The following ADCY8 variants were observed in gnomAD, a reference collection of about 807,000 sequenced individuals.
ADCY8 encodes the protein adenylate cyclase type 8.
ADCY8 carries 51 observed loss-of-function variants against 119.7 expected under a neutral mutation model. The ratio of observed to expected loss-of-function variants is 0.43; its 90% CI spans 0.34 to 0.54. The LOEUF (loss-of-function observed/expected upper bound fraction) is 0.54. ADCY8 is among the 20% of genes least tolerant of loss of function. ADCY8 has a pLI of 0.03. For missense variants in ADCY8, 1,383 were observed against 1,598.8 expected (o/e 0.87, Z 2.30); for synonymous variants, 665 against 651.0 (o/e 1.02, Z -0.33).
intron 11 of ADCY8, among the ~76,000 whole-genome samples, chr8:130,846,710 G>A (rs534966205): frequency 7.1e-4 from 69 of 97,632 alleles, no homozygotes; most frequent in African/African-American, 2.3e-3. Context: ...ACTACCTTCC[G>A]TCCTTCCTTC....
At chr8:130,813,786 C>T (rs780314334) in intron 14 of ADCY8, among the ~76,000 whole-genome samples, 2 of 152,042 alleles carry the variant, frequency 1.3e-5, no homozygotes, top group Non-Finnish European at 2.9e-5. Context: ...TACGTACATA[C>T]ACATACATAT....
intron 3 of ADCY8, among the ~76,000 whole-genome samples, chr8:130,944,124 G>A (rs1345229377): frequency 6.6e-6 from 1 of 152,154 alleles, no homozygotes; most frequent in Non-Finnish European, 1.5e-5. Context: ...TACTCTCTTG[G>A]TTAAGCCATC....
chr8:130,984,105 G>T (rs150066188), intron 2 of ADCY8, among the ~76,000 whole-genome samples: 1 of 148,688 alleles, frequency 6.7e-6, no homozygotes, highest in South Asian at 2.1e-4. Context: ...GCATGGGTGG[G>T]CTCCCTGTGA....
In ADCY8 at chr8:130,954,145, GT is replaced by G. The variant is rs1821355005; in HGVS notation, c.1111-2148del. Among the ~76,000 whole-genome samples, 4 of 152,334 alleles carry G rather than the reference GT, an allele frequency of 2.6e-5. No individual in the cohort carries two copies. In the South Asian group the frequency reaches 8.3e-4, roughly 32 times the overall value. ...CACTCCAGGACCCCACGGTCAGTTT[GT>G]AAAAGTGTTTGATTGCAAATCATCC... On this transcript the variant is annotated intron_variant, in intron 2 of 17. Coordinates refer to ENST00000286355, the MANE Select transcript of ADCY8 (RefSeq NM_001115.3).
chr8:131,034,942 T>C (rs887439408), intron 1 of ADCY8, among the ~76,000 whole-genome samples: 3 of 152,190 alleles, frequency 2.0e-5, no homozygotes, highest in Non-Finnish European at 4.4e-5. Context: ...CTCATATTAT[T>C]GTCACCAGCA....
intron 3 of ADCY8, among the ~76,000 whole-genome samples, chr8:130,946,533 C>T (rs1821110362): frequency 6.6e-6 from 1 of 152,206 alleles, no homozygotes; most frequent in African/African-American, 2.4e-5. Context: ...CTTCCCCAAG[C>T]ATAGCCAGTT....
At chr8:130,876,341 A>G (rs1475157994) in intron 8 of ADCY8, among the ~76,000 whole-genome samples, 1 of 151,292 alleles carries the variant, frequency 6.6e-6, no homozygotes, top group Non-Finnish European at 1.5e-5. Flanking sequence ...ATAAGTGACC[A>G]CTCCCGGCCG....
chr8:130,780,336 A>T lies in ADCY8; in HGVS notation c.*54T>A, dbSNP rs1815031158. On this transcript the variant is annotated 3_prime_UTR_variant, in exon 18 of 18. Coordinates refer to ENST00000286355, the MANE Select transcript of ADCY8 (RefSeq NM_001115.3). ...AAAAATTAAACCTTTTTATTAGTAT[A>T]TTTATTTTATATATAAAAGAAATAC... The T allele has an allele frequency of 1.6e-6, 2 of 1,216,314 alleles. No homozygotes were observed. The highest frequency in any genetic ancestry group is 4.1e-5 in the Admixed American group (1 of 24,466). 75.3% of individuals were successfully genotyped at this position (1,216,314 alleles called of 1,614,324 possible). A position where few individuals can be genotyped will look rare whatever the true frequency, so the allele number is the denominator to read the frequency against.
At chr8:130,890,409 T>G (rs1190096824) in intron 7 of ADCY8, among the ~76,000 whole-genome samples, 1 of 152,166 alleles carries the variant, frequency 6.6e-6, no homozygotes, top group Non-Finnish European at 1.5e-5. Context: ...GTGTTTCTGG[T>G]CTTTCACTGC....
intron 6 of ADCY8, among the ~76,000 whole-genome samples, chr8:130,908,797 A>G (rs925307439): frequency 3.3e-5 from 5 of 152,176 alleles, no homozygotes; most frequent in African/African-American, 1.2e-4. Context: ...TGCTGAAGAT[A>G]ATAGAGTTTA....
chr8:131,032,809 A>T (rs953654936), intron 1 of ADCY8, among the ~76,000 whole-genome samples: 1 of 152,190 alleles, frequency 6.6e-6, no homozygotes, highest in African/African-American at 2.4e-5. Flanking sequence ...GGGGAAGTGC[A>T]GGGAAGATTA....
Position 130,780,564 on chromosome 8 carries a change from C to T in ADCY8, c.3582G>A (p.Ala1194=), listed in dbSNP as rs139593989. 2,244 of 1,614,130 alleles carry T rather than the reference C, an allele frequency of 1.4e-3. 27 individuals are homozygous for T. In the African/African-American group the frequency reaches 0.026, roughly 19 times the overall value. The change falls in exon 18 of 18, where the codon GCG becomes GCA. Residue 1194 remains alanine, a synonymous_variant. Coordinates refer to ENST00000286355, the MANE Select transcript of ADCY8 (RefSeq NM_001115.3). ...RRLPGQYSLA[A]VVLGLVQSLN... is the part of the protein sequence containing the mutation. ...GGGACTGGACAAGTCCCAGGACAAC[C>T]GCGGCCAGGGAGTACTGCCCAGGCA...
Position 130,837,360 on chromosome 8 carries a change from C to T in ADCY8, c.2503-911G>A, listed in dbSNP as rs180760409. On this transcript the variant is annotated intron_variant, in intron 11 of 17. Transcript: ENST00000286355. ...TCCCAAGTCCCAGGGCCCTGTTGCT[C>T]GACTCTCATCCATATGCCTAGGGCT... Among the ~76,000 whole-genome samples the T allele has an allele frequency of 1.5e-3, 228 of 152,240 alleles. 6 individuals are homozygous for T. Among genetic ancestry groups the T allele is most frequent in the Admixed American group, 0.014 (221 of 15,290 alleles).
intron 2 of ADCY8, among the ~76,000 whole-genome samples, chr8:130,984,691 C>T (rs1217955983): frequency 1.3e-5 from 2 of 152,086 alleles, no homozygotes; most frequent in South Asian, 4.2e-4. Flanking sequence ...AAAATGTGTG[C>T]ATATATGGTG....
At chr8:130,934,071 T>G (rs1313381336) in intron 5 of ADCY8, among the ~76,000 whole-genome samples, 2 of 152,218 alleles carry the variant, frequency 1.3e-5, no homozygotes, top group Non-Finnish European at 2.9e-5. Context: ...GCCCAGTTCC[T>G]GACACATAGT....
chr8:130,829,123 G>C (rs776848481), intron 12 of ADCY8, among the ~76,000 whole-genome samples: 1 of 152,188 alleles, frequency 6.6e-6, no homozygotes. Context: ...CATGGCCGAG[G>C]TCACGCCTGC....
At chr8:130,818,816 G>A (rs902187756) in intron 13 of ADCY8, among the ~76,000 whole-genome samples, 1 of 152,186 alleles carries the variant, frequency 6.6e-6, no homozygotes, top group African/African-American at 2.4e-5. Context: ...GCAGTGGCAT[G>A]TGAAGGAAAC....
At chr8:131,015,696 TA>T (rs1246257235) in intron 1 of ADCY8, among the ~76,000 whole-genome samples, 3 of 152,166 alleles carry the variant, frequency 2.0e-5, no homozygotes, top group Admixed American at 1.3e-4. Flanking sequence ...GTGATTTATT[TA>T]AAAAAATTAT....
chr8:130,867,119 C>G (rs1264436910), intron 9 of ADCY8, among the ~76,000 whole-genome samples: 1 of 152,118 alleles, frequency 6.6e-6, no homozygotes, highest in African/African-American at 2.4e-5. Context: ...GAGGCAGGAG[C>G]TAGCTTATAG....
Sources: gnomAD v4.1 joint callset for allele counts (sites outside exome capture counted in the v4.1 genomes callset) on GRCh38, gnomAD v4.1.1 for gene constraint, MANE v1.5 for transcripts, NCBI Gene and HGNC (gene_info 2026-07-23, HGNC 2026-07-21) for gene names.